Variants in GANC observed in about 807,000 individuals in gnomAD.
GANC encodes the protein neutral alpha-glucosidase C.
GANC carries 117 observed loss-of-function variants against 124.2 expected under a neutral mutation model. The observed-to-expected ratio is 0.94, with a 90% CI of 0.81 to 1.10. The LOEUF is 1.10. Among genes scored for constraint, GANC ranks in the 50% least tolerant of loss-of-function variants. GANC has a pLI of 0.00. For missense variants in GANC, 1,140 were observed against 1,095.0 expected, an observed-to-expected ratio of 1.04 and a Z score of -0.58; for synonymous variants, 377 against 376.8, an observed-to-expected ratio of 1.00 and a Z score of -0.01.
Position 42,306,441 on chromosome 15 carries a change from CT to C in GANC, c.559-102del. 3.4e-6 allele frequency: 3 copies of C among 871,710 alleles called. No homozygotes were observed. In the South Asian group the frequency reaches 5.2e-5, roughly 15 times the overall value. 54.0% of individuals were successfully genotyped at this position (871,710 alleles called of 1,614,324 possible). A position where few individuals can be genotyped will look rare whatever the true frequency, so the allele number is the denominator to read the frequency against. ...ACTGGTCTTCTAAAAGATGAACTCA[CT>C]TTCTCAGTCTTTTAAAAAAATAATC... On this transcript the variant is annotated intron_variant, in intron 6 of 23. Transcript: ENST00000318010.
Position 42,331,335 on chromosome 15 carries a change from C to T in GANC, c.1741+663C>T, listed in dbSNP as rs192236845. 9.9e-5 allele frequency among the ~76,000 whole-genome samples: 15 copies of T among 152,282 alleles called. No homozygotes were observed. The East Asian group carries it at 1.2e-3, about 12-fold the overall frequency. ...ATTTATCAAAGCCAGGGAGATACAC[C>T]TCTAACACATTCCATTAACCAACTG... On this transcript the variant is annotated intron_variant, in intron 15 of 23. Transcript: ENST00000318010.
At chr15:42,337,865 C>T (rs1216544771) in intron 15 of GANC, among the ~76,000 whole-genome samples, 1 of 152,094 alleles carries the variant, frequency 6.6e-6, no homozygotes, top group Non-Finnish European at 1.5e-5. Context: ...AGTTCAAGAC[C>T]AGCCTGGCCA....
At chr15:42,322,363 A>T (rs991582981) in intron 11 of GANC, among the ~76,000 whole-genome samples, 1 of 152,188 alleles carries the variant, frequency 6.6e-6, no homozygotes, top group African/African-American at 2.4e-5. Flanking sequence ...AGAGTATATT[A>T]AAAAGTTTAT....
chr15:42,277,915 GAAAAAA>G (rs59950616), intron 2 of GANC: 31 of 83,834 alleles, frequency 3.7e-4, no homozygotes, highest in South Asian at 3.7e-3. Context: ...ATGTTCATTT[GAAAAAA>G]AAAAAAAAAA....
At chr15:42,302,675 T>C (rs2051957690) in intron 6 of GANC, among the ~76,000 whole-genome samples, 1 of 151,906 alleles carries the variant, frequency 6.6e-6, no homozygotes, top group South Asian at 2.1e-4. Flanking sequence ...CTGATGGAGC[T>C]GAAAAACACA....
intron 7 of GANC, among the ~76,000 whole-genome samples, chr15:42,307,337 C>CTTT (rs11437522): frequency 1.1e-4 from 15 of 135,044 alleles, no homozygotes; most frequent in Non-Finnish European, 1.8e-4. Flanking sequence ...ATCTTTTTAT[C>CTTT]TTTTTTTTTT....
chr15:42,318,054 T>A (rs4924669), intron 10 of GANC, among the ~76,000 whole-genome samples: 138,509 of 152,278 alleles, frequency 0.91, 64,365 homozygotes, highest in Non-Finnish European at 1. Context: ...AGGGTGTCTG[T>A]TACTTTATCC....
Position 42,287,788 on chromosome 15 carries a change from A to G in GANC, c.299A>G (p.Asp100Gly). ...TPLKPRFEVPDVLTSKPSTVR... is the reference protein window; with the variant it reads ...TPLKPRFEVPGVLTSKPSTVR... ...CTAAAACCCAGATTTGAAGTTCCGG[A>G]TGTCCTCACAAGCAAGCCAAGCACT... The change falls in exon 4 of 24, where the codon GAT becomes GGT. Residue 100 changes from aspartate (D) to glycine (G), a missense_variant. Asp to Gly is a moderately conservative substitution (Grantham distance 94). Coordinates refer to ENST00000318010, the MANE Select transcript of GANC (RefSeq NM_198141.3). 1 of 1,613,266 alleles carries G rather than the reference A, an allele frequency of 6.2e-7. No individual in the cohort carries two copies. The highest frequency in any genetic ancestry group is 8.5e-7 in the Non-Finnish European group (1 of 1,179,504).
chr15:42,277,838 A>G (rs1193342727), intron 2 of GANC, among the ~76,000 whole-genome samples: 1 of 148,264 alleles, frequency 6.7e-6, no homozygotes, highest in East Asian at 2.1e-4. Context: ...CTGACCTCAG[A>G]TGATCCATCC....
intron 10 of GANC, among the ~76,000 whole-genome samples, chr15:42,319,849 A>G (rs548802439): frequency 1.6e-3 from 248 of 152,298 alleles, no homozygotes; most frequent in African/African-American, 5.8e-3. Flanking sequence ...AAATGCTCCA[A>G]TGAGCATTTC....
chr15:42,322,175 A>G (rs1033019500), intron 11 of GANC, among the ~76,000 whole-genome samples, 155 bp downstream of exon 11: 2 of 152,218 alleles, frequency 1.3e-5, no homozygotes, highest in East Asian at 1.9e-4. Context: ...TAAGAGAGAA[A>G]GTGAATGGTA....
intron 15 of GANC, among the ~76,000 whole-genome samples, chr15:42,335,679 A>C (rs1235482120): frequency 1.3e-5 from 2 of 152,184 alleles, no homozygotes; most frequent in African/African-American, 4.8e-5. Context: ...AAGTCAAACT[A>C]TTCCTATTTG....
chr15:42,349,065 A>G (rs16973148), intron 21 of GANC, among the ~76,000 whole-genome samples: 14,861 of 152,256 alleles, frequency 0.098, 843 homozygotes, highest in South Asian at 0.19. Flanking sequence ...TTGTCATTCA[A>G]TGAACTTTCT....
chr15:42,337,333 A>G (rs2052290470), intron 15 of GANC, among the ~76,000 whole-genome samples: 1 of 152,214 alleles, frequency 6.6e-6, no homozygotes, highest in South Asian at 2.1e-4. Flanking sequence ...CTTGCCTGTG[A>G]TCTGGTCTTT....
chr15:42,284,746 A>G (rs542432182), intron 3 of GANC, among the ~76,000 whole-genome samples: 15 of 152,276 alleles, frequency 9.9e-5, no homozygotes, highest in African/African-American at 3.4e-4. Context: ...GGCTCAAGCA[A>G]TCCTCTTGCC....
chr15:42,298,123 C>T (rs571140304), intron 6 of GANC, among the ~76,000 whole-genome samples: 1 of 152,092 alleles, frequency 6.6e-6, no homozygotes, highest in African/African-American at 2.4e-5. Context: ...CTGATGTCTA[C>T]ACAAGTCAAA....
intron 3 of GANC, among the ~76,000 whole-genome samples, chr15:42,280,671 T>A (rs1169822150): frequency 6.6e-6 from 1 of 152,160 alleles, no homozygotes; most frequent in Non-Finnish European, 1.5e-5. Context: ...TAGTTGTCCA[T>A]AGTCAGAGCA....
At chr15:42,285,818 A>C (rs1418963964) in intron 3 of GANC, among the ~76,000 whole-genome samples, 1 of 152,080 alleles carries the variant, frequency 6.6e-6, no homozygotes, top group African/African-American at 2.4e-5. Context: ...TTAAAGAAAG[A>C]ATGACTGTAA....
At chr15:42,286,596 A>G (rs1249736716) in intron 3 of GANC, among the ~76,000 whole-genome samples, 1 of 152,232 alleles carries the variant, frequency 6.6e-6, no homozygotes, top group East Asian at 1.9e-4. Context: ...CTGCCTTAGA[A>G]TATCTAGAAA....
Sources: allele counts gnomAD v4.1 joint callset (sites outside exome capture counted in the v4.1 genomes callset), GRCh38; gene constraint gnomAD v4.1.1; transcripts MANE v1.5; gene names NCBI Gene and HGNC (gene_info 2026-07-23, HGNC 2026-07-21).